TMEM232: variants seen among roughly 807,000 people sequenced by gnomAD.
TMEM232 encodes the protein transmembrane protein 232.
TMEM232 carries 80 observed loss-of-function variants against 78.8 expected under a neutral mutation model. The ratio of observed to expected loss-of-function variants is 1.01; its 90% CI spans 0.85 to 1.22. The LOEUF (loss-of-function observed/expected upper bound fraction) is 1.22. Among genes scored for constraint, TMEM232 ranks in the 50% most tolerant of loss-of-function variants. The probability of loss-of-function intolerance (pLI) is 0.00; values close to 1 mark genes in which losing one functional copy is unlikely to be tolerated. For synonymous variants in TMEM232, 297 were observed against 254.3 expected (o/e 1.17, Z -1.60); for missense variants, 881 against 742.2 (o/e 1.19, Z -2.17).
Position 110,605,378 on chromosome 5 carries a change from ATTTGATCATCAAAGTATATC to A in TMEM232, c.1027-40_1027-21del, listed in dbSNP as rs1781417543. 1 of 1,536,060 alleles carries A rather than the reference ATTTGATCATCAAAGTATATC, an allele frequency of 6.5e-7. No homozygotes were observed. ...TTCTTCCTGAAATGAGAAAATAGAT[ATTTGATCATCAAAGTATATC>A]TTTGCATATCAATAACTACACAGTG... On this transcript the variant is annotated intron_variant, in intron 9 of 13. Coordinates refer to ENST00000455884, the MANE Select transcript of TMEM232 (RefSeq NM_001039763.4).
At chr5:110,427,631 A>G (rs1757387514) in intron 12 of TMEM232, among the ~76,000 whole-genome samples, 1 of 151,972 alleles carries the variant, frequency 6.6e-6, no homozygotes, top group African/African-American at 2.4e-5. Flanking sequence ...AAAAAATTCT[A>G]AATCAAAGTG....
At chr5:110,393,406 A>G (rs751034591) in intron 3 of TMEM232, among the ~76,000 whole-genome samples, 2 of 152,162 alleles carry the variant, frequency 1.3e-5, no homozygotes, top group Non-Finnish European at 2.9e-5. Flanking sequence ...ATACCTCTCT[A>G]TCCTGCATAA....
intron 1 of TMEM232, among the ~76,000 whole-genome samples, chr5:110,694,514 T>C (rs1470020319): frequency 6.6e-6 from 1 of 151,954 alleles, no homozygotes; most frequent in East Asian, 1.9e-4. Flanking sequence ...ACAGGCAAAC[T>C]GGATAAAGAG....
chr5:110,727,476 G>GCA (rs1269826349), upstream of TMEM232, among the ~76,000 whole-genome samples: 1 of 152,110 alleles, frequency 6.6e-6, no homozygotes, highest in Non-Finnish European at 1.5e-5. Context: ...AGGCGTGGTG[G>GCA]CACCCACCTA....
intron 10 of TMEM232, among the ~76,000 whole-genome samples, chr5:110,577,297 G>A (rs1777675904): frequency 6.6e-6 from 1 of 152,000 alleles, no homozygotes; most frequent in African/African-American, 2.4e-5. Context: ...TGATCAGTAT[G>A]GAAATGCAAA....
intron 12 of TMEM232, among the ~76,000 whole-genome samples, chr5:110,428,623 C>T (rs1757499895): frequency 6.6e-6 from 1 of 151,488 alleles, no homozygotes; most frequent in Admixed American, 6.6e-5. Context: ...TAGCTAACCC[C>T]AGCACTTACA....
chr5:110,523,262 T>A (rs1040004833), intron 12 of TMEM232, among the ~76,000 whole-genome samples: 18 of 152,302 alleles, frequency 1.2e-4, no homozygotes, highest in African/African-American at 4.1e-4. Context: ...TCTTCTTTCA[T>A]TTCTGATTCA....
chr5:110,610,280 T>TAG (rs2149851030), intron 8 of TMEM232, among the ~76,000 whole-genome samples: 1 of 17,460 alleles, frequency 5.7e-5, no homozygotes, highest in African/African-American at 1.3e-4. Context: ...GGTGGGTGGG[T>TAG]GAAGGGAGGG....
In TMEM232 at chr5:110,463,099, C is replaced by G. The variant is rs192910273; in HGVS notation, c.1704-38183G>C. 1.4e-4 allele frequency among the ~76,000 whole-genome samples: 22 copies of G among 152,260 alleles called. No individual in the cohort carries two copies. In the East Asian group the frequency reaches 3.7e-3, roughly 25 times the overall value. The stretch of plus-strand genomic sequence containing the variant: ...AGTTCTACCATGGGTCAAATGCTAT[C>G]CAACAGTATTTCAGGTTACAGAGAA... On this transcript the variant is annotated intron_variant, in intron 12 of 13. Transcript: ENST00000455884.
At chr5:110,482,765 C>G (rs1356566077) in intron 12 of TMEM232, among the ~76,000 whole-genome samples, 1 of 151,486 alleles carries the variant, frequency 6.6e-6, no homozygotes, top group Non-Finnish European at 1.5e-5. Context: ...AGAAAAGGAA[C>G]AACAAAACAA....
chr5:110,417,567 CA>C (rs1756271689), downstream of TMEM232: 1 of 148,990 alleles, frequency 6.7e-6, no homozygotes, highest in African/African-American at 2.5e-5. Flanking sequence ...ATTTTTAAGC[CA>C]TTTATATAAA....
At position 110,508,677 on chromosome 5, in the gene TMEM232, A is replaced by C. The variant is rs565194495; in HGVS notation, c.1703+19911T>G. Among the ~76,000 whole-genome samples, 7 of 150,538 alleles carry C rather than the reference A, an allele frequency of 4.6e-5. No individual in the cohort carries two copies. In the South Asian group the frequency reaches 1.5e-3, roughly 31 times the overall value. On this transcript the variant is annotated intron_variant, in intron 12 of 13. Transcript: ENST00000455884. The stretch of plus-strand genomic sequence containing the variant: ...GCCCTTGACATGAACATTTTCATGT[A>C]AAGTTTCTGGTCAAGCTGTTTGTGC...
rs114070033 is a variant in TMEM232 at position 110,581,443 on chromosome 5, T to G, written c.1277-12818A>C. On this transcript the variant is annotated intron_variant, in intron 10 of 13. Coordinates refer to ENST00000455884, the MANE Select transcript of TMEM232 (RefSeq NM_001039763.4). ...GTACTCTCTATTCAATAAGTGGTGC[T>G]GGGATAACTTGCTAGCTATAGGCAG... Among the ~76,000 whole-genome samples, 863 of 152,066 alleles carry G rather than the reference T, an allele frequency of 5.7e-3. 9 individuals are homozygous for G. The highest frequency in any genetic ancestry group is 0.02 in the African/African-American group (818 of 41,542).
intron 1 of TMEM232, among the ~76,000 whole-genome samples, chr5:110,697,747 G>A (rs147514693): frequency 1.3e-5 from 2 of 152,098 alleles, no homozygotes; most frequent in African/African-American, 2.4e-5. Flanking sequence ...ACCGCAATGA[G>A]ATACCATCTC....
At chr5:110,431,430 A>T (rs1757831125) in intron 12 of TMEM232, among the ~76,000 whole-genome samples, 2 of 151,696 alleles carry the variant, frequency 1.3e-5, no homozygotes, top group Admixed American at 1.3e-4. Flanking sequence ...GGTTAGATGA[A>T]AATGCTCTGC....
chr5:110,708,161 T>G (rs2150302967), intron 1 of TMEM232, among the ~76,000 whole-genome samples: 2 of 152,322 alleles, frequency 1.3e-5, no homozygotes, highest in East Asian at 3.9e-4. Flanking sequence ...GACATTGTCT[T>G]GCACTTTAGG....
intron 12 of TMEM232, among the ~76,000 whole-genome samples, chr5:110,521,720 G>C (rs1283752454): frequency 6.6e-6 from 1 of 151,998 alleles, no homozygotes; most frequent in Non-Finnish European, 1.5e-5. Context: ...TTCTTTCTCT[G>C]TTATATATTC....
intron 10 of TMEM232, among the ~76,000 whole-genome samples, chr5:110,591,749 G>A (rs184315267): frequency 1.4e-4 from 22 of 152,132 alleles, no homozygotes; most frequent in Non-Finnish European, 4.4e-5. Flanking sequence ...TACGGTATGA[G>A]TTCGTTTGAC....
chr5:110,615,756 C>T (rs1432029326), intron 8 of TMEM232, among the ~76,000 whole-genome samples: 1 of 151,810 alleles, frequency 6.6e-6, no homozygotes, highest in Non-Finnish European at 1.5e-5. Context: ...TAAAAGCTAA[C>T]CAAAAGACTG....
Sources: gnomAD v4.1 joint callset for allele counts (sites outside exome capture counted in the v4.1 genomes callset) on GRCh38, gnomAD v4.1.1 for gene constraint, MANE v1.5 for transcripts, NCBI Gene and HGNC (gene_info 2026-07-23, HGNC 2026-07-21) for gene names.